KDM4C: variants seen among roughly 807,000 people sequenced by gnomAD.
KDM4C encodes the protein lysine-specific demethylase 4C.
KDM4C carries 81 observed loss-of-function variants against 129.3 expected under a neutral mutation model. The observed-to-expected ratio is 0.63, with a 90% CI of 0.52 to 0.75. The LOEUF (loss-of-function observed/expected upper bound fraction) is 0.75, where lower values mean the gene tolerates loss of function less well. Ranked by LOEUF, KDM4C falls within the 30% of genes least tolerant of loss-of-function variation. KDM4C has a pLI of 0.00. For missense variants in KDM4C, 1,457 were observed against 1,304.0 expected (o/e 1.12, Z -1.81); for synonymous variants, 573 against 456.1 (o/e 1.26, Z -3.26).
chr9:7,116,549 C>T (rs563226909), intron 18 of KDM4C, among the ~76,000 whole-genome samples: 1 of 152,314 alleles, frequency 6.6e-6, no homozygotes, highest in South Asian at 2.1e-4. Context: ...ACCTCTCTTT[C>T]ATGCACAGTG....
chr9:6,813,617 G>C (rs1023799627), intron 3 of KDM4C, among the ~76,000 whole-genome samples: 4 of 151,984 alleles, frequency 2.6e-5, no homozygotes, highest in African/African-American at 4.8e-5. Flanking sequence ...ATTCTCATTT[G>C]TTTCTTTCTT....
chr9:6,910,575 C>T (rs1167111603), intron 8 of KDM4C, among the ~76,000 whole-genome samples: 3 of 152,150 alleles, frequency 2.0e-5, no homozygotes. Flanking sequence ...AGTGCCATTT[C>T]TCACCTCTCA....
chr9:6,801,321 T>C (rs909108148), intron 2 of KDM4C, among the ~76,000 whole-genome samples: 2 of 139,100 alleles, frequency 1.4e-5, no homozygotes, highest in Non-Finnish European at 3.0e-5. Context: ...GGCGTGATCT[T>C]GGCTCACTGC....
At position 7,036,994 on chromosome 9, in the gene KDM4C, A is replaced by T. The variant is rs143907912; in HGVS notation, c.2260-9868A>T. Among the ~76,000 whole-genome samples, 95 of 152,334 alleles carry T rather than the reference A, an allele frequency of 6.2e-4. No homozygotes were observed. The East Asian group carries it at 0.013, about 21-fold the overall frequency. On this transcript the variant is annotated intron_variant, in intron 15 of 21. Transcript: ENST00000381309. ...AGGTACTGCAGGACACTTGTCATTCAATTATATAATCACTCAGAACTCATA... is the reference window on the plus strand; with the variant it reads ...AGGTACTGCAGGACACTTGTCATTCTATTATATAATCACTCAGAACTCATA...
chr9:6,919,734 C>T (rs1340631678), intron 8 of KDM4C, among the ~76,000 whole-genome samples: 9 of 152,038 alleles, frequency 5.9e-5, no homozygotes, highest in African/African-American at 1.9e-4. Flanking sequence ...CACCACCATG[C>T]CTGGCTAATT....
Position 6,849,492 on chromosome 9 carries a change from T to TC in KDM4C, c.436-14dup. 1 of 1,516,302 alleles carries TC rather than the reference T, an allele frequency of 6.6e-7. No homozygotes were observed. The highest frequency in any genetic ancestry group is 8.9e-7 in the Non-Finnish European group (1 of 1,123,726). The allele number at this position is 1,516,302 out of a possible 1,614,324, so 93.9% of individuals were successfully genotyped here. ...AAGATTTGATTTCTCTCTCTTTTTT[T>TC]CTCTCTCATTCCAGGGTGTGGATGA... On this transcript the variant is annotated splice_polypyrimidine_tract_variant and intron_variant, in intron 4 of 21. Transcript: ENST00000381309.
chr9:6,957,451 A>T (rs1829263980), intron 8 of KDM4C, among the ~76,000 whole-genome samples: 1 of 151,896 alleles, frequency 6.6e-6, no homozygotes, highest in African/African-American at 2.4e-5. Context: ...GGGAAAAGAA[A>T]CCTGCCTTTT....
intron 8 of KDM4C, among the ~76,000 whole-genome samples, chr9:6,915,843 C>T (rs950096029): frequency 2.0e-5 from 3 of 152,156 alleles, no homozygotes; most frequent in African/African-American, 7.2e-5. Context: ...TGTCAGGTTG[C>T]AGTTTGCCAT....
chr9:6,906,354 A>G (rs377318363), intron 8 of KDM4C, among the ~76,000 whole-genome samples: 5 of 152,194 alleles, frequency 3.3e-5, no homozygotes, highest in Admixed American at 6.5e-5. Context: ...AGGCAACACT[A>G]TGGAAGGAAT....
intron 8 of KDM4C, among the ~76,000 whole-genome samples, chr9:6,903,923 T>C (rs2131003727): frequency 6.6e-6 from 1 of 152,354 alleles, no homozygotes; most frequent in East Asian, 1.9e-4. Flanking sequence ...TTGCCATGTC[T>C]TTAATATATC....
intron 5 of KDM4C, among the ~76,000 whole-genome samples, chr9:6,876,608 T>A (rs1288152318): frequency 6.6e-6 from 1 of 152,176 alleles, no homozygotes; most frequent in Non-Finnish European, 1.5e-5. Context: ...TTGAAACAGA[T>A]TAGAGTTGTG....
At chr9:6,818,095 G>A (rs761064027) in intron 4 of KDM4C, among the ~76,000 whole-genome samples, 1 of 152,064 alleles carries the variant, frequency 6.6e-6, no homozygotes, top group East Asian at 1.9e-4. Context: ...TTTCCTTTTG[G>A]TCTTTCTGTT....
intron 1 of KDM4C, among the ~76,000 whole-genome samples, chr9:6,742,065 C>T (rs7038830): frequency 0.23 from 34,576 of 151,706 alleles, 4,349 homozygotes; most frequent in East Asian, 0.34. Context: ...CTCCACCTCC[C>T]GGGTTCAAGC....
intron 8 of KDM4C, among the ~76,000 whole-genome samples, chr9:6,962,724 CA>C (rs1830237915): frequency 6.6e-6 from 1 of 152,072 alleles, no homozygotes. Flanking sequence ...CTTAATTCAG[CA>C]GTTCTTCTGG....
chr9:7,131,843 A>G (rs897897806), intron 19 of KDM4C, among the ~76,000 whole-genome samples: 1 of 152,216 alleles, frequency 6.6e-6, no homozygotes, highest in Non-Finnish European at 1.5e-5. Context: ...CACTAACTAC[A>G]TTTCACATTC....
At chr9:6,961,754 G>C (rs1017614596) in intron 8 of KDM4C, among the ~76,000 whole-genome samples, 5 of 152,100 alleles carry the variant, frequency 3.3e-5, no homozygotes, top group African/African-American at 1.2e-4. Context: ...CTCTTTGATG[G>C]TATTTAGCTT....
chr9:7,155,508 T>TC (rs1411092394), intron 19 of KDM4C, among the ~76,000 whole-genome samples: 1 of 151,936 alleles, frequency 6.6e-6, no homozygotes, highest in African/African-American at 2.4e-5. Context: ...CCCTCCCGCA[T>TC]CCCCCCACCC....
intron 1 of KDM4C, among the ~76,000 whole-genome samples, chr9:6,746,265 T>G (rs1285687090): frequency 0.11 from 10,734 of 93,886 alleles, 318 homozygotes; most frequent in African/African-American, 0.19. Context: ...TATATATGTT[T>G]TTTTTTTTTT....
At chr9:6,853,862 C>G (rs895244986) in intron 5 of KDM4C, among the ~76,000 whole-genome samples, 1 of 152,128 alleles carries the variant, frequency 6.6e-6, no homozygotes, top group African/African-American at 2.4e-5. Context: ...TCACTACACT[C>G]CTTTCATCAT....
Sources: gnomAD v4.1 joint callset for allele counts (sites outside exome capture counted in the v4.1 genomes callset) on GRCh38, gnomAD v4.1.1 for gene constraint, MANE v1.5 for transcripts, NCBI Gene and HGNC (gene_info 2026-07-23, HGNC 2026-07-21) for gene names.